Variants in PARD3B observed in about 807,000 individuals in gnomAD.
The protein encoded by PARD3B is partitioning defective 3 homolog B.
Under a neutral mutation model 130.2 loss-of-function variants are expected in PARD3B, and 103 were observed. The observed-to-expected ratio is 0.79, with a 90% CI of 0.67 to 0.93. The LOEUF (loss-of-function observed/expected upper bound fraction) is 0.93. Among genes scored for constraint, PARD3B ranks in the 40% least tolerant of loss-of-function variants. The pLI is 0.00. For synonymous variants in PARD3B, 583 were observed against 553.2 expected (o/e 1.05, Z -0.76); for missense variants, 1,609 against 1,499.2 (o/e 1.07, Z -1.21).
intron 10 of PARD3B, among the ~76,000 whole-genome samples, chr2:205,154,610 G>A (rs943708608): frequency 4.6e-5 from 7 of 152,072 alleles, no homozygotes; most frequent in South Asian, 2.1e-4. Flanking sequence ...TGTTTATTGC[G>A]GCACTATTCA....
Position 205,617,005 on chromosome 2 carries a change from A to T in PARD3B, c.*1192A>T, listed in dbSNP as rs998200271. 6 of 154,396 alleles carry T rather than the reference A, an allele frequency of 3.9e-5. No individual in the cohort carries two copies. Among genetic ancestry groups the T allele is most frequent in the Non-Finnish European group, 8.8e-5 (6 of 68,236 alleles). The allele number at this position is 154,396 out of a possible 1,614,324, so 9.6% of individuals were successfully genotyped here. On this transcript the variant is annotated 3_prime_UTR_variant, in exon 23 of 23. Coordinates refer to ENST00000406610, the MANE Select transcript of PARD3B (RefSeq NM_001302769.2). ...ATGCTTTCTGGAGAGTTTGATGCAA[A>T]AGTGGGGGAAACGGAGAAAAGGCGC...
intron 16 of PARD3B, chr2:205,293,749 T>G (rs1236523870): frequency 6.6e-6 from 1 of 152,238 alleles, no homozygotes; most frequent in Non-Finnish European, 1.5e-5. Flanking sequence ...AATTGTGGAC[T>G]GTTTCTCCAT....
At chr2:204,854,322 A>T (rs1227712841) in intron 2 of PARD3B, among the ~76,000 whole-genome samples, 2 of 152,124 alleles carry the variant, frequency 1.3e-5, no homozygotes, top group African/African-American at 2.4e-5. Flanking sequence ...AGGAAGATGG[A>T]TAGGTGAGGT....
intron 10 of PARD3B, among the ~76,000 whole-genome samples, chr2:205,133,833 A>C (rs2032236435): frequency 6.6e-6 from 1 of 152,204 alleles, no homozygotes; most frequent in Admixed American, 6.6e-5. Flanking sequence ...GTGCTTTAAA[A>C]TTTCCACACT....
chr2:204,908,489 T>A (rs1401093336), intron 2 of PARD3B, among the ~76,000 whole-genome samples: 1 of 152,224 alleles, frequency 6.6e-6, no homozygotes, highest in Non-Finnish European at 1.5e-5. Flanking sequence ...AATATTTTTT[T>A]AAGTGGTATC....
intron 3 of PARD3B, among the ~76,000 whole-genome samples, chr2:204,997,029 A>G (rs1216905869): frequency 6.6e-6 from 1 of 151,990 alleles, no homozygotes; most frequent in East Asian, 1.9e-4. Context: ...AAATGCAGAA[A>G]TCACCCGTCT....
chr2:204,682,959 A>G (rs765020788), intron 1 of PARD3B, among the ~76,000 whole-genome samples: 2 of 152,184 alleles, frequency 1.3e-5, no homozygotes, highest in African/African-American at 4.8e-5. Context: ...TGCTATTAGT[A>G]TTAAAGCCTA....
intron 2 of PARD3B, among the ~76,000 whole-genome samples, chr2:204,740,540 A>G (rs919593670): frequency 6.6e-6 from 1 of 152,212 alleles, no homozygotes; most frequent in East Asian, 1.9e-4. Context: ...TGGTCTCTGC[A>G]TCATGATGTC....
At chr2:205,057,616 T>TAC (rs60589145) in intron 4 of PARD3B, among the ~76,000 whole-genome samples, 18 of 147,858 alleles carry the variant, frequency 1.2e-4, no homozygotes, top group African/African-American at 4.4e-4. Context: ...TGTATGTGTA[T>TAC]GTGTATACGT....
chr2:204,851,596 T>C (rs1236909668), intron 2 of PARD3B, among the ~76,000 whole-genome samples: 1 of 152,222 alleles, frequency 6.6e-6, no homozygotes, highest in African/African-American at 2.4e-5. Context: ...TTCCATTAAA[T>C]ATTTTATACA....
At chr2:204,659,926 C>T (rs921552172) in intron 1 of PARD3B, among the ~76,000 whole-genome samples, 7 of 152,128 alleles carry the variant, frequency 4.6e-5, no homozygotes, top group East Asian at 1.9e-4. Context: ...TTACTATTTA[C>T]AGTAATTCTA....
In PARD3B at chr2:205,024,705, A is replaced by G. The variant is rs942038226; in HGVS notation, c.395-22876A>G. 1.6e-4 allele frequency among the ~76,000 whole-genome samples: 24 copies of G among 152,226 alleles called. 1 individual carries two copies. The highest frequency in any genetic ancestry group is 3.6e-4 in the African/African-American group (15 of 41,466). On this transcript the variant is annotated intron_variant, in intron 3 of 22. Transcript: ENST00000406610. ...CATAGATCTATAATACCTTCATACC[A>G]TAATAATTAATGAAGCACATCATTT...
At chr2:205,220,298 T>C (rs561897211) in intron 15 of PARD3B, among the ~76,000 whole-genome samples, 3 of 152,264 alleles carry the variant, frequency 2.0e-5, no homozygotes, top group Admixed American at 6.5e-5. Flanking sequence ...TTCCGCCTGT[T>C]CTCTCTCCAG....
intron 1 of PARD3B, among the ~76,000 whole-genome samples, chr2:204,659,480 T>C (rs1326522738): frequency 6.6e-6 from 1 of 152,158 alleles, no homozygotes; most frequent in South Asian, 2.1e-4. Flanking sequence ...GGAATGGTGA[T>C]AGGTGGCCAA....
At chr2:204,631,102 T>G (rs1215683791) in intron 1 of PARD3B, among the ~76,000 whole-genome samples, 1 of 152,160 alleles carries the variant, frequency 6.6e-6, no homozygotes, top group African/African-American at 2.4e-5. Context: ...GCTAGAAATT[T>G]CCCTCTTAAC....
At position 205,142,662 on chromosome 2, in the gene PARD3B, G is replaced by T. The variant is rs1465826047; in HGVS notation, c.1435-16060G>T. Among the ~76,000 whole-genome samples, 1 of 152,092 alleles carries T rather than the reference G, an allele frequency of 6.6e-6. No homozygotes were observed. The highest frequency in any genetic ancestry group is 2.4e-5 in the African/African-American group (1 of 41,392). ...TGGGAGGCCGAGGTGGGCGGATCAA[G>T]AGGTCAGGAGTTTGAGACCAACCTG... On this transcript the variant is annotated intron_variant, in intron 10 of 22. Transcript: ENST00000406610. The surrounding 1 kb of genome is among the most constrained non-coding windows in gnomAD (Gnocchi z 4.3).
chr2:205,136,858 C>A (rs2032531020), intron 10 of PARD3B, among the ~76,000 whole-genome samples: 1 of 152,110 alleles, frequency 6.6e-6, no homozygotes. Flanking sequence ...TTTTCTGGGT[C>A]CACATTGGAG....
intron 2 of PARD3B, among the ~76,000 whole-genome samples, chr2:204,949,004 T>A (rs1689555144): frequency 6.6e-6 from 1 of 152,176 alleles, no homozygotes. Flanking sequence ...TGTGTAGAAT[T>A]TCCAGTCATG....
chr2:204,584,145 G>C (rs2032715388), intron 1 of PARD3B, among the ~76,000 whole-genome samples: 1 of 152,252 alleles, frequency 6.6e-6, no homozygotes, highest in South Asian at 2.1e-4. Context: ...TTAGTGGGCA[G>C]AGGAGAGAAA....
Sources: allele counts gnomAD v4.1 joint callset (sites outside exome capture counted in the v4.1 genomes callset), GRCh38; gene constraint gnomAD v4.1.1; non-coding constraint Gnocchi (gnomAD v3.1); transcripts MANE v1.5; gene names NCBI Gene and HGNC (gene_info 2026-07-23, HGNC 2026-07-21).